SEMA6D: variants seen among roughly 807,000 people sequenced by gnomAD.
The protein encoded by SEMA6D is semaphorin-6D.
A neutral mutation model predicts 106.6 loss-of-function variants in SEMA6D; 35 were observed. The ratio of observed to expected loss-of-function variants is 0.33; its 90% CI spans 0.25 to 0.44. The LOEUF (loss-of-function observed/expected upper bound fraction) is 0.44. SEMA6D is among the 20% of genes least tolerant of loss of function. The pLI, the probability that SEMA6D is intolerant of heterozygous loss-of-function variation, is 1.00. For missense variants in SEMA6D, 1,185 were observed against 1,345.9 expected (o/e 0.88, Z 1.87); for synonymous variants, 499 against 487.7 (o/e 1.02, Z -0.31).
intron 1 of SEMA6D, among the ~76,000 whole-genome samples, chr15:47,314,888 C>G (rs1163368945): frequency 8.6e-5 from 10 of 115,768 alleles, no homozygotes; most frequent in Non-Finnish European, 1.3e-4. Context: ...TTTTTTGAGA[C>G]GGAGTCTCGC....
rs529258727 is a variant in SEMA6D, at chr15:47,294,476, C to A, written c.-239+110058C>A. Reference sequence around the variant, plus strand: ...TGACCTTGTGCTTTGCCCACCTTGGCCTCCCAAAGTATTGGGATTACAGGT... The same window carrying A: ...TGACCTTGTGCTTTGCCCACCTTGGACTCCCAAAGTATTGGGATTACAGGT... On this transcript the variant is annotated intron_variant, in intron 1 of 19. Transcript: ENST00000558014. Among the ~76,000 whole-genome samples the A allele has an allele frequency of 5.9e-5, 9 of 152,294 alleles. No individual in the cohort carries two copies. In the South Asian group the frequency reaches 1.9e-3, roughly 32 times the overall value.
chr15:47,469,333 C>A (rs535433676), intron 2 of SEMA6D, among the ~76,000 whole-genome samples: 2 of 142,580 alleles, frequency 1.4e-5, no homozygotes, highest in South Asian at 4.3e-4. Context: ...TGTATGTGCA[C>A]GCATGTGCGT....
At chr15:47,244,102 G>A (rs983268881) in intron 1 of SEMA6D, among the ~76,000 whole-genome samples, 25 of 152,018 alleles carry the variant, frequency 1.6e-4, no homozygotes, top group African/African-American at 5.8e-4. Flanking sequence ...AAGGAGAGAG[G>A]AGAGTCAACA....
chr15:47,745,137 G>A (rs924881470), intron 1 of SEMA6D, among the ~76,000 whole-genome samples: 1 of 152,220 alleles, frequency 6.6e-6, no homozygotes, highest in South Asian at 2.1e-4. Context: ...GGTTTGAAGC[G>A]TAATTATCTC....
chr15:47,692,750 A>G (rs1162370583), intron 4 of SEMA6D, among the ~76,000 whole-genome samples: 1 of 152,074 alleles, frequency 6.6e-6, no homozygotes, highest in Non-Finnish European at 1.5e-5. Context: ...GGTGCCAGTG[A>G]CCTTCTCTTT....
chr15:47,634,023 T>A (rs1186444809), intron 4 of SEMA6D, among the ~76,000 whole-genome samples: 3 of 152,212 alleles, frequency 2.0e-5, no homozygotes, highest in Admixed American at 6.5e-5. Flanking sequence ...TTCCTTTTTT[T>A]ATCTATATCA....
chr15:47,610,286 T>A (rs550649835), intron 4 of SEMA6D, among the ~76,000 whole-genome samples: 1 of 152,298 alleles, frequency 6.6e-6, no homozygotes, highest in East Asian at 1.9e-4. Context: ...TCTCTTCCAT[T>A]AGGGTGAGTT....
At chr15:47,408,769 T>A (rs1458318005) in intron 1 of SEMA6D, among the ~76,000 whole-genome samples, 1 of 152,198 alleles carries the variant, frequency 6.6e-6, no homozygotes, top group Non-Finnish European at 1.5e-5. Context: ...TATGCTAAGA[T>A]AATAGAGATT....
At chr15:47,202,240 AAAT>A (rs1894772612) in intron 1 of SEMA6D, among the ~76,000 whole-genome samples, 1 of 152,002 alleles carries the variant, frequency 6.6e-6, no homozygotes, top group African/African-American at 2.4e-5. Flanking sequence ...TGCGTCTCTA[AAAT>A]AATAATTGGT....
intron 2 of SEMA6D, among the ~76,000 whole-genome samples, chr15:47,430,072 A>T (rs281235): frequency 0.53 from 80,769 of 151,880 alleles, 21,812 homozygotes; most frequent in South Asian, 0.62. Context: ...TTGAGTACTC[A>T]GAGGTACCAG....
chr15:47,466,465 T>C (rs565616188), intron 2 of SEMA6D, among the ~76,000 whole-genome samples: 1 of 152,134 alleles, frequency 6.6e-6, no homozygotes, highest in East Asian at 1.9e-4. Flanking sequence ...AGTTCATTCA[T>C]GTTGACACAA....
chr15:47,496,101 T>G (rs2043648495), intron 3 of SEMA6D, among the ~76,000 whole-genome samples: 1 of 152,230 alleles, frequency 6.6e-6, no homozygotes, highest in South Asian at 2.1e-4. Flanking sequence ...TTAAACTTCT[T>G]TTTTAGGTTT....
intron 3 of SEMA6D, among the ~76,000 whole-genome samples, chr15:47,502,390 G>C (rs2043879756): frequency 6.6e-6 from 1 of 152,154 alleles, no homozygotes; most frequent in African/African-American, 2.4e-5. Flanking sequence ...GCTCCTCTGG[G>C]AATCTGGCAC....
intron 4 of SEMA6D, among the ~76,000 whole-genome samples, chr15:47,677,458 G>A (rs1037106664): frequency 6.6e-6 from 1 of 152,118 alleles, no homozygotes; most frequent in African/African-American, 2.4e-5. Context: ...CATTCTATTA[G>A]TCAAGCAGAT....
At chr15:47,537,311 C>T (rs1363716642) in intron 3 of SEMA6D, among the ~76,000 whole-genome samples, 5 of 152,080 alleles carry the variant, frequency 3.3e-5, no homozygotes, top group African/African-American at 9.7e-5. Flanking sequence ...ACAAATACAA[C>T]TTGTATGGAT....
chr15:47,563,802 C>T (rs1481396948), intron 3 of SEMA6D, among the ~76,000 whole-genome samples: 4 of 152,190 alleles, frequency 2.6e-5, no homozygotes, highest in Non-Finnish European at 4.4e-5. Flanking sequence ...AAAAGCATCA[C>T]ATTTACATAG....
At chr15:47,410,693 C>T (rs1368810075) in intron 1 of SEMA6D, among the ~76,000 whole-genome samples, 1 of 152,060 alleles carries the variant, frequency 6.6e-6, no homozygotes, top group Admixed American at 6.6e-5. Context: ...GCCCTGGACC[C>T]CAGCCCAGAC....
At chr15:47,524,960 A>G (rs1275228868) in intron 3 of SEMA6D, among the ~76,000 whole-genome samples, 1 of 152,192 alleles carries the variant, frequency 6.6e-6, no homozygotes, top group Non-Finnish European at 1.5e-5. Flanking sequence ...ACACCTGAGC[A>G]TCTCTACAGA....
At chr15:47,534,934 G>A (rs570302873) in intron 3 of SEMA6D, among the ~76,000 whole-genome samples, 3 of 152,074 alleles carry the variant, frequency 2.0e-5, no homozygotes, top group African/African-American at 7.2e-5. Context: ...AAATGTAAAT[G>A]TAGGTATTTG....
Sources: allele counts gnomAD v4.1 joint callset (sites outside exome capture counted in the v4.1 genomes callset), GRCh38; gene constraint gnomAD v4.1.1; transcripts MANE v1.5; gene names NCBI Gene and HGNC (gene_info 2026-07-23, HGNC 2026-07-21).